DPYD: variants seen among roughly 807,000 people sequenced by gnomAD.
DPYD encodes the protein dihydropyrimidine dehydrogenase [NADP(+)].
Under a neutral mutation model 116.2 loss-of-function variants are expected in DPYD, and 109 were observed. The ratio of observed to expected loss-of-function variants is 0.94; its 90% CI spans 0.80 to 1.10. The LOEUF (loss-of-function observed/expected upper bound fraction) is 1.10, where lower values mean the gene tolerates loss of function less well. DPYD is among the 50% of genes least tolerant of loss of function. The pLI is 0.00. For missense variants in DPYD, 1,302 were observed against 1,254.5 expected, an observed-to-expected ratio of 1.04 and a Z score of -0.57; for synonymous variants, 440 against 432.0, an observed-to-expected ratio of 1.02 and a Z score of -0.23.
intron 8 of DPYD, among the ~76,000 whole-genome samples, chr1:97,598,199 CAAAG>C (rs1189515144): frequency 5.3e-5 from 8 of 151,552 alleles, no homozygotes; most frequent in African/African-American, 1.9e-4. Context: ...TCAAGTTCCA[CAAAG>C]AAAGAAAAAT....
intron 4 of DPYD, among the ~76,000 whole-genome samples, chr1:97,738,691 GT>G (rs72344193): frequency 0.093 from 13,162 of 141,292 alleles, 601 homozygotes; most frequent in African/African-American, 0.13. Context: ...AATTAGGAGA[GT>G]TTTTTTTTTT....
At chr1:97,280,032 A>G (rs1665208783) in intron 18 of DPYD, 1 of 152,194 alleles carries the variant, frequency 6.6e-6, no homozygotes, top group Non-Finnish European at 1.5e-5. Flanking sequence ...AGACCTGAAG[A>G]TACTCACATT....
At chr1:97,142,355 T>C (rs1293736096) in intron 20 of DPYD, among the ~76,000 whole-genome samples, 2 of 152,128 alleles carry the variant, frequency 1.3e-5, no homozygotes, top group East Asian at 1.9e-4. Flanking sequence ...GAAAACTTCA[T>C]GTAACATTAG....
intron 14 of DPYD, among the ~76,000 whole-genome samples, chr1:97,396,747 T>C (rs900024678): frequency 6.6e-6 from 1 of 152,024 alleles, no homozygotes; most frequent in Non-Finnish European, 1.5e-5. Context: ...CATGTACTTT[T>C]AGATGTCCAT....
At chr1:97,161,026 C>T (rs79717051) in intron 20 of DPYD, among the ~76,000 whole-genome samples, 3,556 of 152,158 alleles carry the variant, frequency 0.023, 126 homozygotes, top group African/African-American at 0.081. Flanking sequence ...AATTTTGAGC[C>T]GGCGTTTTAG....
intron 14 of DPYD, among the ~76,000 whole-genome samples, chr1:97,430,122 C>T (rs747455260): frequency 6.6e-6 from 1 of 152,076 alleles, no homozygotes; most frequent in Non-Finnish European, 1.5e-5. Flanking sequence ...ATTGAGAATG[C>T]TAAATAATGG....
chr1:97,691,093 T>C (rs1228820685), intron 7 of DPYD: 1 of 152,266 alleles, frequency 6.6e-6, no homozygotes, highest in Non-Finnish European at 1.5e-5. Flanking sequence ...TATGTTCAAG[T>C]GAAGAGCTAG....
At chr1:97,347,781 A>C (rs939610591) in intron 16 of DPYD, among the ~76,000 whole-genome samples, 4 of 152,136 alleles carry the variant, frequency 2.6e-5, no homozygotes, top group African/African-American at 9.7e-5. Context: ...ACTTATATGC[A>C]TTATCTCACA....
rs182663075 is a variant in DPYD, at chr1:97,129,461, G to C, written c.2623-30829C>G. Among the ~76,000 whole-genome samples, 29 of 152,214 alleles carry C rather than the reference G, an allele frequency of 1.9e-4. No homozygotes were observed. The East Asian group carries it at 5.0e-3, about 26-fold the overall frequency. ...CTTGGTCTTCCTTGTCACGATCATT[G>C]ATATATAGTAACACAGCTGCAGAGA... On this transcript the variant is annotated intron_variant, in intron 20 of 22. Transcript: ENST00000370192.
intron 11 of DPYD, among the ~76,000 whole-genome samples, chr1:97,555,702 C>G (rs1446178912): frequency 6.6e-6 from 1 of 152,158 alleles, no homozygotes; most frequent in East Asian, 1.9e-4. Flanking sequence ...AACTACAAAC[C>G]TACTGGATCT....
intron 15 of DPYD, among the ~76,000 whole-genome samples, chr1:97,379,382 T>TA (rs1217640987): frequency 6.6e-6 from 1 of 152,210 alleles, no homozygotes; most frequent in Admixed American, 6.5e-5. Context: ...CTATTGTAGT[T>TA]AAACTTGGTA....
At chr1:97,626,415 A>G (rs1376002163) in intron 8 of DPYD, among the ~76,000 whole-genome samples, 2 of 152,032 alleles carry the variant, frequency 1.3e-5, no homozygotes, top group East Asian at 3.9e-4. Flanking sequence ...AATATTTCCA[A>G]TGACTACGAC....
intron 18 of DPYD, among the ~76,000 whole-genome samples, chr1:97,273,706 A>G (rs1401106324): frequency 1.3e-5 from 2 of 152,150 alleles, no homozygotes; most frequent in African/African-American, 4.8e-5. Context: ...TAAGACATTT[A>G]TCCAGCTCTC....
intron 12 of DPYD, among the ~76,000 whole-genome samples, chr1:97,531,235 G>A (rs1307781315): frequency 6.6e-6 from 1 of 152,188 alleles, no homozygotes; most frequent in Non-Finnish European, 1.5e-5. Flanking sequence ...CTTCTAAGGA[G>A]TTTTAGAGTT....
At position 97,084,748 on chromosome 1, in the gene DPYD, C is replaced by T. The variant is rs146011671; in HGVS notation, c.2767-2278G>A. ...GATCATCAGCACTCTGCTATGCTGA[C>T]TCATTTGTTATTCTGTATTTAGCAA... On this transcript the variant is annotated intron_variant, in intron 21 of 22. Coordinates refer to ENST00000370192, the MANE Select transcript of DPYD (RefSeq NM_000110.4). Among the ~76,000 whole-genome samples the T allele has an allele frequency of 6.7e-3, 1,023 of 152,262 alleles. 11 individuals are homozygous for T. The highest frequency in any genetic ancestry group is 0.023 in the African/African-American group (969 of 41,558).
At chr1:97,802,975 A>G (rs1667917338) in intron 3 of DPYD, among the ~76,000 whole-genome samples, 1 of 151,960 alleles carries the variant, frequency 6.6e-6, no homozygotes, top group South Asian at 2.1e-4. Context: ...TAAATGATTC[A>G]AAGTTTACTT....
chr1:97,851,080 T>C (rs1355463657), intron 2 of DPYD, among the ~76,000 whole-genome samples: 3 of 151,982 alleles, frequency 2.0e-5, no homozygotes, highest in Non-Finnish European at 4.4e-5. Flanking sequence ...ATTTTGTCAT[T>C]TCACAAAGCA....
rs758658084 is a variant in DPYD at position 97,383,488 on chromosome 1, AG to A, written c.1906-1028del. ...GAGACTCTGTCTCAAAAAAAAAAAA[AG>A]AAAAAAAGAAAAAAAGAAAAGAAAA... On this transcript the variant is annotated intron_variant, in intron 14 of 22. Coordinates refer to ENST00000370192, the MANE Select transcript of DPYD (RefSeq NM_000110.4). 2.0e-4 allele frequency among the ~76,000 whole-genome samples: 29 copies of A among 148,252 alleles called. 1 individual carries two copies. The highest frequency in any genetic ancestry group is 1.8e-3 in the East Asian group (9 of 5,054).
intron 19 of DPYD, among the ~76,000 whole-genome samples, chr1:97,225,288 T>C (rs1661065446): frequency 6.6e-6 from 1 of 152,078 alleles, no homozygotes; most frequent in African/African-American, 2.4e-5. Flanking sequence ...ATAATAGTTA[T>C]TCTAACAGGT....
Sources: gnomAD v4.1 joint callset for allele counts (sites outside exome capture counted in the v4.1 genomes callset) on GRCh38, gnomAD v4.1.1 for gene constraint, MANE v1.5 for transcripts, NCBI Gene and HGNC (gene_info 2026-07-23, HGNC 2026-07-21) for gene names.